PRKG1: variants seen among roughly 807,000 people sequenced by gnomAD.
The protein encoded by PRKG1 is protein kinase cGMP-dependent 1.
PRKG1 carries 35 observed loss-of-function variants against 88.1 expected under a neutral mutation model. That is an observed-to-expected ratio of 0.40 (90% CI 0.30 to 0.53). The LOEUF is 0.53. PRKG1 is among the 20% of genes least tolerant of loss of function. The probability of loss-of-function intolerance (pLI) is 0.59; values close to 1 mark genes in which losing one functional copy is unlikely to be tolerated. For missense variants in PRKG1, 540 were observed against 839.8 expected (o/e 0.64, Z 4.41); for synonymous variants, 303 against 292.5 (o/e 1.04, Z -0.37).
intron 3 of PRKG1, among the ~76,000 whole-genome samples, chr10:51,574,897 A>G (rs1023400267): frequency 5.9e-5 from 9 of 152,006 alleles, no homozygotes; most frequent in Admixed American, 3.3e-4. Flanking sequence ...ACAAAAGCCT[A>G]GAGCTTTTGC....
intron 14 of PRKG1, among the ~76,000 whole-genome samples, chr10:52,285,743 A>C (rs911946835): frequency 1.3e-5 from 2 of 152,092 alleles, no homozygotes; most frequent in African/African-American, 4.8e-5. Flanking sequence ...GTAACCTCTA[A>C]GATATTTGCA....
chr10:51,366,754 T>C (rs16917127), intron 2 of PRKG1, among the ~76,000 whole-genome samples: 4,048 of 152,090 alleles, frequency 0.027, 158 homozygotes, highest in African/African-American at 0.089. Context: ...CTCCAGCATG[T>C]ACATGAAAGC....
intron 9 of PRKG1, among the ~76,000 whole-genome samples, chr10:52,206,111 T>A (rs201134441): frequency 1.8e-4 from 1 of 5,532 alleles, no homozygotes; most frequent in African/African-American, 2.9e-4. Context: ...TTTTTAATTC[T>A]TTTTTTCTTT....
At chr10:51,778,345 A>G (rs1438075875) in intron 3 of PRKG1, among the ~76,000 whole-genome samples, 1 of 152,122 alleles carries the variant, frequency 6.6e-6, no homozygotes, top group Non-Finnish European at 1.5e-5. Flanking sequence ...AATACTGACT[A>G]ATTGGCAAAT....
In PRKG1 at chr10:51,528,096, A is replaced by G. The variant is rs563471981; in HGVS notation, c.592+60260A>G. Among the ~76,000 whole-genome samples, 9 of 152,308 alleles carry G rather than the reference A, an allele frequency of 5.9e-5. No individual in the cohort carries two copies. In the East Asian group the frequency reaches 1.2e-3, roughly 20 times the overall value. On this transcript the variant is annotated intron_variant, in intron 3 of 17. Transcript: ENST00000373980. ...AATTTCAAAAGATACTTCTAAGCTC[A>G]TGGGAGCAAATGTCATTACGGAGAA...
At position 51,305,737 on chromosome 10, in the gene PRKG1, C is replaced by G. The variant is rs112269588; in HGVS notation, c.478+152407C>G. 2.7e-3 allele frequency among the ~76,000 whole-genome samples: 410 copies of G among 152,252 alleles called. 1 individual carries two copies. The highest frequency in any genetic ancestry group is 9.5e-3 in the African/African-American group (394 of 41,556). On this transcript the variant is annotated intron_variant, in intron 2 of 17. Coordinates refer to ENST00000373980, the MANE Select transcript of PRKG1 (RefSeq NM_006258.4). ...CAGCTTTCTGGAGCAATTGTTTTGA[C>G]TGTTCAAAAGTGTAACATTTTGCTT... is the stretch of plus-strand genomic sequence containing the variant.
intron 4 of PRKG1, among the ~76,000 whole-genome samples, chr10:51,900,184 T>G (rs890713772): frequency 5.3e-5 from 8 of 152,190 alleles, no homozygotes; most frequent in Non-Finnish European, 1.2e-4. Context: ...GCATTCAATC[T>G]GTTGAATTTA....
intron 1 of PRKG1, among the ~76,000 whole-genome samples, chr10:51,063,901 A>T (rs900461630): frequency 6.6e-6 from 1 of 152,130 alleles, no homozygotes; most frequent in Non-Finnish European, 1.5e-5. Flanking sequence ...AGAAATTAGT[A>T]TTTAATGGCT....
chr10:52,034,155 A>G (rs1451694833), intron 5 of PRKG1, among the ~76,000 whole-genome samples: 3 of 152,118 alleles, frequency 2.0e-5, no homozygotes, highest in African/African-American at 7.2e-5. Context: ...CTGGGCGTAC[A>G]TGTGCAAATC....
intron 7 of PRKG1, among the ~76,000 whole-genome samples, chr10:52,112,013 C>T (rs898269919): frequency 2.0e-5 from 3 of 152,148 alleles, no homozygotes; most frequent in African/African-American, 7.2e-5. Flanking sequence ...GACTGTAGAC[C>T]ATCTTTCTGA....
intron 9 of PRKG1, among the ~76,000 whole-genome samples, chr10:52,196,138 G>A (rs952283538): frequency 6.6e-5 from 10 of 151,656 alleles, no homozygotes; most frequent in African/African-American, 1.5e-4. Context: ...TCAGCCCCCC[G>A]AGTAGCTGGG....
Position 52,225,167 on chromosome 10 carries a change from A to G in PRKG1, c.1077-26403A>G, listed in dbSNP as rs541042636. Among the ~76,000 whole-genome samples, 7 of 152,054 alleles carry G rather than the reference A, an allele frequency of 4.6e-5. No homozygotes were observed. The South Asian group carries it at 1.5e-3, about 32-fold the overall frequency. On this transcript the variant is annotated intron_variant, in intron 9 of 17. Coordinates refer to ENST00000373980, the MANE Select transcript of PRKG1 (RefSeq NM_006258.4). ...CTACTGTTTTTTGATTTTTTTGATT[A>G]TGGCTATTCTTGCAGGAGTAAGGTG...
chr10:51,196,102 G>A (rs879669054), intron 2 of PRKG1, among the ~76,000 whole-genome samples: 3 of 152,172 alleles, frequency 2.0e-5, no homozygotes, highest in Non-Finnish European at 4.4e-5. Flanking sequence ...AAGTAGAAAG[G>A]AGCAGGAGGG....
intron 2 of PRKG1, among the ~76,000 whole-genome samples, chr10:51,327,922 T>C (rs184248565): frequency 6.6e-6 from 1 of 152,334 alleles, no homozygotes; most frequent in East Asian, 1.9e-4. Context: ...CATTGTGGAA[T>C]GACTAAGTCT....
At chr10:52,282,565 G>A (rs1842024331) in intron 14 of PRKG1, among the ~76,000 whole-genome samples, 1 of 152,034 alleles carries the variant, frequency 6.6e-6, no homozygotes, top group Non-Finnish European at 1.5e-5. Context: ...TGTGAATGTG[G>A]AAGGATATAA....
intron 3 of PRKG1, among the ~76,000 whole-genome samples, chr10:51,562,652 G>A (rs1201108457): frequency 6.6e-6 from 1 of 152,104 alleles, no homozygotes; most frequent in Admixed American, 6.6e-5. Context: ...GTGTCTGATT[G>A]TCACAGCTGG....
At chr10:51,333,468 A>T (rs181679611) in intron 2 of PRKG1, among the ~76,000 whole-genome samples, 3 of 152,328 alleles carry the variant, frequency 2.0e-5, no homozygotes, top group Admixed American at 2.0e-4. Context: ...ACCCAGTAGG[A>T]AAATGGTAAA....
rs568616357 is a variant in PRKG1, at chr10:51,487,555, T to A, written c.592+19719T>A. Among the ~76,000 whole-genome samples, 3 of 152,240 alleles carry A rather than the reference T, an allele frequency of 2.0e-5. No homozygotes were observed. The East Asian group carries it at 5.8e-4, about 29-fold the overall frequency. ...CCACCTGGTGATGTTCACACCCTTGTATAATCCCTTTCCGTTGAGGATGGG... is the reference window on the plus strand; with the variant it reads ...CCACCTGGTGATGTTCACACCCTTGAATAATCCCTTTCCGTTGAGGATGGG... On this transcript the variant is annotated intron_variant, in intron 3 of 17. Coordinates refer to ENST00000373980, the MANE Select transcript of PRKG1 (RefSeq NM_006258.4).
intron 5 of PRKG1, among the ~76,000 whole-genome samples, chr10:51,919,069 G>T (rs1171619255): frequency 1.3e-5 from 2 of 152,140 alleles, no homozygotes; most frequent in Non-Finnish European, 2.9e-5. Context: ...CGTGGTGCAG[G>T]AGATAATGTG....
Sources: allele counts gnomAD v4.1 joint callset (sites outside exome capture counted in the v4.1 genomes callset), GRCh38; gene constraint gnomAD v4.1.1; transcripts MANE v1.5; gene names NCBI Gene and HGNC (gene_info 2026-07-23, HGNC 2026-07-21).